The following TTBK1 variants were observed in gnomAD, a reference collection of about 807,000 sequenced individuals.
TTBK1 encodes tau tubulin kinase 1, also known as tau-tubulin kinase 1.
A neutral mutation model predicts 108.5 loss-of-function variants in TTBK1; 34 were observed. The observed-to-expected ratio is 0.31, with a 90% CI of 0.24 to 0.42. TTBK1 has a LOEUF of 0.42. Among genes scored for constraint, TTBK1 ranks in the 10% least tolerant of loss-of-function variants. The probability of loss-of-function intolerance (pLI) is 1.00; values close to 1 mark genes in which losing one functional copy is unlikely to be tolerated. For missense variants in TTBK1, 1,539 were observed against 1,826.0 expected (o/e 0.84, Z 2.86); for synonymous variants, 809 against 795.1 (o/e 1.02, Z -0.29).
In TTBK1 at chr6:43,273,965, G is replaced by A. The variant is rs958585579; in HGVS notation, c.1987-8762G>A. ...ACTCGAACCTGGCCAGTGGGGATGTGTGGTGTGTGCTGTGTTTATACATGT... is the reference window on the plus strand; with the variant it reads ...ACTCGAACCTGGCCAGTGGGGATGTATGGTGTGTGCTGTGTTTATACATGT... On this transcript the variant is annotated intron_variant, in intron 13 of 14. Transcript: ENST00000259750. This position sits in a 1 kb window ranked among gnomAD's most constrained non-coding sequence, Gnocchi z 4.2. Among the ~76,000 whole-genome samples, 4 of 152,156 alleles carry A rather than the reference G, an allele frequency of 2.6e-5. No homozygotes were observed. The highest frequency in any genetic ancestry group is 9.7e-5 in the African/African-American group (4 of 41,432).
intron 7 of TTBK1, 75 bp downstream of exon 7, chr6:43,255,189 G>A: frequency 8.8e-7 from 1 of 1,131,794 alleles, no homozygotes; most frequent in Non-Finnish European, 1.3e-6. Flanking sequence ...CTGCTGGGGA[G>A]GGGTGGGGAG....
Position 43,255,812 on chromosome 6 carries a change from G to A in TTBK1, c.817G>A (p.Asp273Asn), listed in dbSNP as rs1024989378. ...GCCGTCAGAGTTCCACCTCTTCCTG[G>A]ACCACATTGCCAGCCTCGACTACTT... ...HMPSEFHLFL[D>N]HIASLDYFTK... Residue 273 changes from aspartate to asparagine, a missense_variant, in exon 9 of 15, where the codon GAC becomes AAC. By Grantham distance (23) the Asp-to-Asn change is conservative. Around this residue, in one of 5 missense-constraint regions of TTBK1, gnomAD observed 155 missense variants for 348.5 expected, o/e 0.44. Coordinates refer to ENST00000259750, the MANE Select transcript of TTBK1 (RefSeq NM_032538.3). 3.1e-6 allele frequency: 5 copies of A among 1,613,964 alleles called. No homozygotes were observed. The highest frequency in any genetic ancestry group is 3.4e-6 in the Non-Finnish European group (4 of 1,180,016).
At chr6:43,244,171 T>C (rs956183870) in intron 1 of TTBK1, among the ~76,000 whole-genome samples, 3 of 151,996 alleles carry the variant, frequency 2.0e-5, no homozygotes, top group African/African-American at 7.3e-5. Context: ...CGGGTCTCTA[T>C]CCTACCCACC....
At position 43,262,954 on chromosome 6, in the gene TTBK1, G is replaced by A. The variant is rs140469250; in HGVS notation, c.1590G>A (p.Val530=). 73 of 1,613,920 alleles carry A rather than the reference G, an allele frequency of 4.5e-5. No homozygotes were observed. The African/African-American group carries it at 8.7e-4, about 19-fold the overall frequency. The change falls in exon 13 of 15, where the codon GTG becomes GTA. Residue 530 remains valine, a synonymous_variant. Transcript: ENST00000259750. ...CCCTGAGCAACGCCTTCCGCTCGGT[G>A]CCGCTGGCTGAGGAGGAGGATTTCG... is the stretch of plus-strand genomic sequence containing the variant. ...QEALSNAFRS[V]PLAEEEDFDS... is the part of the protein sequence containing the mutation.
chr6:43,285,839 C>T lies in TTBK1; in HGVS notation c.*463C>T, dbSNP rs983692368. The T allele has an allele frequency of 1.3e-5, 2 of 153,508 alleles. No homozygotes were observed. The highest frequency in any genetic ancestry group is 4.1e-4 in the South Asian group (2 of 4,832). The allele number at this position is 153,508 out of a possible 1,614,324, so 9.5% of individuals were successfully genotyped here. Reference sequence around the variant, plus strand: ...CCGACCCCTTTCCAGCCAAAGTCCCCCCACCCCTTCAGAGAAGCAGCCTCA... The same window carrying T: ...CCGACCCCTTTCCAGCCAAAGTCCCTCCACCCCTTCAGAGAAGCAGCCTCA... On this transcript the variant is annotated 3_prime_UTR_variant, in exon 15 of 15. Transcript: ENST00000259750. This position sits in a 1 kb window ranked among gnomAD's most constrained non-coding sequence, Gnocchi z 4.7.
At chr6:43,271,265 C>T (rs1223091790) in intron 13 of TTBK1, 8 of 985,480 alleles carry the variant, frequency 8.1e-6, no homozygotes, top group Middle Eastern at 5.2e-4. Context: ...TGTGCATGCG[C>T]GTACACTTGT....
chr6:43,269,987 G>C lies in TTBK1; in HGVS notation c.1986+6637G>C, dbSNP rs989542273. ...CCCCCTCCTGGAGGGGGCAGGTGGG[G>C]GGGGGTGGGGAGCAGGCAGAGGACC... is the stretch of plus-strand genomic sequence containing the variant. On this transcript the variant is annotated intron_variant, in intron 13 of 14. Coordinates refer to ENST00000259750, the MANE Select transcript of TTBK1 (RefSeq NM_032538.3). The surrounding 1 kb of genome is among the most constrained non-coding windows in gnomAD (Gnocchi z 4.8). 8 of 1,429,674 alleles carry C rather than the reference G, an allele frequency of 5.6e-6. No homozygotes were observed. In the African/African-American group the frequency reaches 1.0e-4, roughly 18 times the overall value. 88.6% of individuals were successfully genotyped at this position (1,429,674 alleles called of 1,614,324 possible). A position where few individuals can be genotyped will look rare whatever the true frequency, so the allele number is the denominator to read the frequency against.
In TTBK1 at chr6:43,246,714, G is replaced by A. The variant is rs768046163; in HGVS notation, c.54G>A (p.Gly18=). Residue 18 remains glycine, a synonymous_variant, in exon 2 of 15, where the codon GGG becomes GGA. Coordinates refer to ENST00000259750, the MANE Select transcript of TTBK1 (RefSeq NM_032538.3). ...LKDETNMSGG[G]EQADILPANY... is the part of the protein sequence containing the mutation. ...ACGAAACCAACATGAGTGGGGGAGG[G>A]GAGCAGGCCGACATCCTGCCGGCCA... 3.1e-6 allele frequency: 5 copies of A among 1,612,680 alleles called. No individual in the cohort carries two copies. In the Admixed American group the frequency reaches 6.7e-5, roughly 22 times the overall value.
At position 43,259,525 on chromosome 6, in the gene TTBK1, C is replaced by T; in HGVS notation, c.1249-6C>T. The stretch of plus-strand genomic sequence containing the variant: ...CCCCAGCTCATGGCACTCCCCTCTC[C>T]TGCAGAGCCCCTGTGTGGAGGAGGA... On this transcript the variant is annotated splice_polypyrimidine_tract_variant and splice_region_variant and intron_variant, in intron 11 of 14. Transcript: ENST00000259750. This position sits in a 1 kb window ranked among gnomAD's most constrained non-coding sequence, Gnocchi z 6.7. 1 of 1,565,938 alleles carries T rather than the reference C, an allele frequency of 6.4e-7. No homozygotes were observed. The highest frequency in any genetic ancestry group is 8.6e-7 in the Non-Finnish European group (1 of 1,158,146).
At chr6:43,284,370 G>T in intron 14 of TTBK1, 58 bp downstream of exon 14, 1 of 1,432,812 alleles carries the variant, frequency 7.0e-7, no homozygotes, top group South Asian at 1.4e-5. Flanking sequence ...CCTCCACCAG[G>T]AGGGGCTTCT....
In TTBK1 at chr6:43,283,973, G is replaced by T. The variant is rs147230216; in HGVS notation, c.3233G>T (p.Arg1078Leu). The change falls in exon 14 of 15, where the codon CGG (arginine) becomes CTG (leucine). Residue 1078 changes from arginine to leucine, a missense_variant. Arg to Leu is a moderately radical substitution (Grantham distance 102). Transcript: ENST00000259750. The surrounding 1 kb of genome is among the most constrained non-coding windows in gnomAD (Gnocchi z 8.1). ...EPSGSLSAKE[R>L]WSKRARPQQD... is the part of the protein sequence containing the mutation. ...TCAGGCTCACTGTCGGCCAAAGAGC[G>T]GTGGAGCAAGCGGGCTCGGCCGCAG... is the stretch of plus-strand genomic sequence containing the variant. 71 of 1,611,108 alleles carry T rather than the reference G, an allele frequency of 4.4e-5. No individual in the cohort carries two copies. Among genetic ancestry groups the T allele is most frequent in the Non-Finnish European group, 6.0e-5 (71 of 1,178,534 alleles).
chr6:43,253,382 A>G lies in TTBK1; in HGVS notation c.330+18A>G. On this transcript the variant is annotated intron_variant, in intron 4 of 14. Transcript: ENST00000259750. This position sits in a 1 kb window ranked among gnomAD's most constrained non-coding sequence, Gnocchi z 5.8. ...AGCTCCAGGTGAGTCCCCGTGGCCC[A>G]TCCTCGCTCCCCTCTCTAAGAGCTT... The G allele has an allele frequency of 8.7e-6, 14 of 1,613,642 alleles. No individual in the cohort carries two copies. The highest frequency in any genetic ancestry group is 1.2e-5 in the Non-Finnish European group (14 of 1,179,714).
intron 6 of TTBK1, 84 bp downstream of exon 6, chr6:43,254,735 G>A: frequency 7.8e-7 from 1 of 1,284,636 alleles, no homozygotes. Flanking sequence ...TTTTCTTACA[G>A]CTGCCTAAGC....
Position 43,272,445 on chromosome 6 carries a change from G to C in TTBK1, c.1986+9095G>C, listed in dbSNP as rs546397490. On this transcript the variant is annotated intron_variant, in intron 13 of 14. Coordinates refer to ENST00000259750, the MANE Select transcript of TTBK1 (RefSeq NM_032538.3). Reference sequence around the variant, plus strand: ...TTGGAAGTGGGAGATCCAGCATTGAGAAGGCGGCTGAGTTTTCAAACACAC... The same window carrying C: ...TTGGAAGTGGGAGATCCAGCATTGACAAGGCGGCTGAGTTTTCAAACACAC... The C allele has an allele frequency of 1.0e-3, 1,010 of 985,446 alleles. 2 individuals carry two copies. The highest frequency in any genetic ancestry group is 1.2e-3 in the Non-Finnish European group (967 of 829,940). The allele number at this position is 985,446 out of a possible 1,614,324, so 61.0% of individuals were successfully genotyped here. A position where few individuals can be genotyped will look rare whatever the true frequency, so the allele number is the denominator to read the frequency against.
chr6:43,283,309 C>G lies in TTBK1; in HGVS notation c.2569C>G (p.Pro857Ala). ...SPVTAELAPD[P>A]DLGTLAALTP... ...CGTCACTGCCGAACTGGCCCCCGAC[C>G]CCGACCTGGGCACCCTGGCTGCCCT... The change falls in exon 14 of 15, where the codon CCC becomes GCC. Residue 857 changes from proline to alanine, a missense_variant. Physicochemically the swap from Pro to Ala is conservative, Grantham distance 27. This residue lies in a region of TTBK1 where 1,055 missense variants were observed against 1,086.5 expected (regional missense o/e 0.97). Coordinates refer to ENST00000259750, the MANE Select transcript of TTBK1 (RefSeq NM_032538.3). The surrounding 1 kb of genome is among the most constrained non-coding windows in gnomAD (Gnocchi z 8.1). 6.3e-7 allele frequency: 1 copy of G among 1,579,688 alleles called. No individual in the cohort carries two copies. Among genetic ancestry groups the G allele is most frequent in the Non-Finnish European group, 8.6e-7 (1 of 1,162,878 alleles).
chr6:43,246,928 G>C (rs1582470443), intron 2 of TTBK1, among the ~76,000 whole-genome samples, 160 bp downstream of exon 2: 1 of 152,100 alleles, frequency 6.6e-6, no homozygotes, highest in African/African-American at 2.4e-5. Flanking sequence ...TTGCCAACAC[G>C]TGTGGACAAT....
chr6:43,288,213 C>T lies in TTBK1; in HGVS notation c.*2837C>T, dbSNP rs1778431820. ...CACTGTCAATGATTAGATCGGGTCT[C>T]GGAAGGGAAGTAGCCATCACACCAT... is the stretch of plus-strand genomic sequence containing the variant. On this transcript the variant is annotated 3_prime_UTR_variant, in exon 15 of 15. Coordinates refer to ENST00000259750, the MANE Select transcript of TTBK1 (RefSeq NM_032538.3). This position sits in a 1 kb window ranked among gnomAD's most constrained non-coding sequence, Gnocchi z 4.4. 1 of 152,762 alleles carries T rather than the reference C, an allele frequency of 6.5e-6. No homozygotes were observed. The highest frequency in any genetic ancestry group is 1.5e-5 in the Non-Finnish European group (1 of 68,106). 9.5% of individuals were successfully genotyped at this position (152,762 alleles called of 1,614,324 possible). A position where few individuals can be genotyped will look rare whatever the true frequency, so the allele number is the denominator to read the frequency against.
At position 43,276,084 on chromosome 6, in the gene TTBK1, G is replaced by T. The variant is rs1254365597; in HGVS notation, c.1987-6643G>T. Among the ~76,000 whole-genome samples, 1 of 152,096 alleles carries T rather than the reference G, an allele frequency of 6.6e-6. No homozygotes were observed. The highest frequency in any genetic ancestry group is 6.5e-5 in the Admixed American group (1 of 15,278). ...GCGGAGTAGGGGAGGGATAGGAAGG[G>T]GATTAGCGAGAGGACCCTCGCGGAG... On this transcript the variant is annotated intron_variant, in intron 13 of 14. Coordinates refer to ENST00000259750, the MANE Select transcript of TTBK1 (RefSeq NM_032538.3). The surrounding 1 kb of genome is among the most constrained non-coding windows in gnomAD (Gnocchi z 5.4).
At position 43,287,297 on chromosome 6, in the gene TTBK1, C is replaced by CA. The variant is rs1203595888; in HGVS notation, c.*1923dup. Reference sequence around the variant, plus strand: ...TCCCACCTAGAGCTTCTCCGAATGACAATCAGCTCGTGCCAGGTGGGGACC... The same window carrying CA: ...TCCCACCTAGAGCTTCTCCGAATGACAAATCAGCTCGTGCCAGGTGGGGACC... On this transcript the variant is annotated 3_prime_UTR_variant, in exon 15 of 15. Transcript: ENST00000259750. The surrounding 1 kb of genome is among the most constrained non-coding windows in gnomAD (Gnocchi z 4.1). 2.0e-5 allele frequency: 3 copies of CA among 152,612 alleles called. No individual in the cohort carries two copies. Among genetic ancestry groups the CA allele is most frequent in the Non-Finnish European group, 4.4e-5 (3 of 68,064 alleles). 9.5% of individuals were successfully genotyped at this position (152,612 alleles called of 1,614,324 possible).
Sources: allele counts gnomAD v4.1 joint callset (sites outside exome capture counted in the v4.1 genomes callset), GRCh38; gene constraint gnomAD v4.1.1; regional missense constraint gnomAD v4.1.1; non-coding constraint Gnocchi (gnomAD v3.1); transcripts MANE v1.5; gene names NCBI Gene and HGNC (gene_info 2026-07-23, HGNC 2026-07-21).